Variants in PDE11A observed in about 807,000 individuals in gnomAD.
PDE11A encodes the protein phosphodiesterase 11A, also known as dual 3',5'-cyclic-AMP and -GMP phosphodiesterase 11A.
A neutral mutation model predicts 100.5 loss-of-function variants in PDE11A; 100 were observed. The ratio of observed to expected loss-of-function variants is 1.00; its 90% CI spans 0.85 to 1.18. PDE11A has a LOEUF of 1.18. Among genes scored for constraint, PDE11A ranks in the 50% most tolerant of loss-of-function variants. The pLI is 0.00. For synonymous variants in PDE11A, 381 were observed against 420.8 expected, an observed-to-expected ratio of 0.91 and a Z score of 1.16; for missense variants, 1,141 against 1,152.6, an observed-to-expected ratio of 0.99 and a Z score of 0.15.
At chr2:178,020,340 T>C (rs1013451251) in intron 1 of PDE11A, among the ~76,000 whole-genome samples, 1 of 152,206 alleles carries the variant, frequency 6.6e-6, no homozygotes, top group Admixed American at 6.5e-5. Flanking sequence ...CCACCAAGGC[T>C]ATGGAGTAGG....
At chr2:177,777,919 A>G (rs1441740420) in intron 9 of PDE11A, among the ~76,000 whole-genome samples, 1 of 152,228 alleles carries the variant, frequency 6.6e-6, no homozygotes, top group African/African-American at 2.4e-5. Context: ...TAATTGAGCA[A>G]ATATTTTTGA....
At chr2:177,980,118 C>T (rs1006154059) in intron 2 of PDE11A, among the ~76,000 whole-genome samples, 2 of 150,208 alleles carry the variant, frequency 1.3e-5, no homozygotes, top group Non-Finnish European at 3.0e-5. Flanking sequence ...TTCAAACCTA[C>T]TGCTTTAAGG....
chr2:177,814,144 A>G (rs893653232), intron 9 of PDE11A, among the ~76,000 whole-genome samples: 4 of 152,080 alleles, frequency 2.6e-5, no homozygotes, highest in African/African-American at 9.7e-5. Flanking sequence ...TTGTTACATA[A>G]TATATATTCT....
At chr2:177,726,474 G>C (rs1218543834) in intron 12 of PDE11A, among the ~76,000 whole-genome samples, 1 of 152,044 alleles carries the variant, frequency 6.6e-6, no homozygotes, top group Non-Finnish European at 1.5e-5. Context: ...TTACTCTATA[G>C]GAGGATGACA....
At chr2:177,827,800 T>C (rs2083249061) in intron 6 of PDE11A, among the ~76,000 whole-genome samples, 1 of 152,158 alleles carries the variant, frequency 6.6e-6, no homozygotes, top group African/African-American at 2.4e-5. Flanking sequence ...TATTTGTAAA[T>C]AGAGTATGCA....
intron 10 of PDE11A, among the ~76,000 whole-genome samples, chr2:177,765,592 T>C (rs1363984009): frequency 6.6e-6 from 1 of 152,234 alleles, no homozygotes; most frequent in Non-Finnish European, 1.5e-5. Context: ...GCTTCCTTCA[T>C]TAGGCTGCTG....
At chr2:177,642,237 T>G (rs1377670717) in intron 19 of PDE11A, among the ~76,000 whole-genome samples, 1 of 152,214 alleles carries the variant, frequency 6.6e-6, no homozygotes, top group African/African-American at 2.4e-5. Context: ...GACATGTTCA[T>G]ATGACATAGG....
intron 10 of PDE11A, among the ~76,000 whole-genome samples, chr2:177,730,907 A>G (rs2081678239): frequency 6.6e-6 from 1 of 152,108 alleles, no homozygotes; most frequent in Non-Finnish European, 1.5e-5. Flanking sequence ...TTCATCTTGC[A>G]TGGCTGAAAC....
intron 1 of PDE11A, among the ~76,000 whole-genome samples, chr2:178,053,775 G>T (rs1574370861): frequency 6.6e-6 from 1 of 152,088 alleles, no homozygotes; most frequent in South Asian, 2.1e-4. Flanking sequence ...GCTATAAAGA[G>T]AATAAAATAC....
At chr2:178,104,894 G>T (rs1046541430) in intron 1 of PDE11A, among the ~76,000 whole-genome samples, 1 of 152,038 alleles carries the variant, frequency 6.6e-6, no homozygotes, top group African/African-American at 2.4e-5. Context: ...AATAAGAATA[G>T]AACAAATAGG....
chr2:178,061,156 G>C (rs889302756), intron 1 of PDE11A, among the ~76,000 whole-genome samples: 2 of 152,008 alleles, frequency 1.3e-5, no homozygotes, highest in African/African-American at 4.8e-5. Context: ...TATTGGCCAG[G>C]CTGGAGAAGT....
chr2:177,747,711 C>A (rs989689689), intron 10 of PDE11A, among the ~76,000 whole-genome samples: 1 of 152,166 alleles, frequency 6.6e-6, no homozygotes, highest in Non-Finnish European at 1.5e-5. Flanking sequence ...AACATATGGC[C>A]TGCCTTTTAT....
intron 19 of PDE11A, among the ~76,000 whole-genome samples, chr2:177,632,602 T>C (rs1171656347): frequency 2.0e-5 from 3 of 152,214 alleles, no homozygotes; most frequent in Non-Finnish European, 2.9e-5. Flanking sequence ...TTCAGACTCC[T>C]GCCAGTGATT....
intron 2 of PDE11A, among the ~76,000 whole-genome samples, chr2:177,965,400 A>G (rs113807023): frequency 7.9e-5 from 12 of 152,160 alleles, no homozygotes; most frequent in African/African-American, 2.9e-4. Flanking sequence ...TTCCGTTGCA[A>G]TTGCTTTTGG....
chr2:177,857,415 T>A (rs763634238), intron 5 of PDE11A, among the ~76,000 whole-genome samples: 1 of 152,040 alleles, frequency 6.6e-6, no homozygotes, highest in Non-Finnish European at 1.5e-5. Context: ...TATAAATGTA[T>A]GTTTGTAACT....
intron 2 of PDE11A, among the ~76,000 whole-genome samples, chr2:177,940,742 T>C (rs1044923808): frequency 6.6e-6 from 1 of 152,200 alleles, no homozygotes; most frequent in Non-Finnish European, 1.5e-5. Flanking sequence ...AATCACTAAA[T>C]TAAACAAAAT....
chr2:177,918,843 G>T (rs2084992431), intron 2 of PDE11A, among the ~76,000 whole-genome samples: 1 of 152,082 alleles, frequency 6.6e-6, no homozygotes, highest in African/African-American at 2.4e-5. Context: ...ACTTGTAAAA[G>T]ACTCATTCTC....
At position 177,936,315 on chromosome 2, in the gene PDE11A, T is replaced by C. The variant is rs564238985; in HGVS notation, c.1072-31128A>G. ...CTGTATTTTGGTATTTGTGTGACAATGTCAGAATTGCAGCCCATCATTTCA... is the reference window on the plus strand; with the variant it reads ...CTGTATTTTGGTATTTGTGTGACAACGTCAGAATTGCAGCCCATCATTTCA... On this transcript the variant is annotated intron_variant, in intron 2 of 19. Coordinates refer to ENST00000286063, the MANE Select transcript of PDE11A (RefSeq NM_016953.4). Among the ~76,000 whole-genome samples the C allele has an allele frequency of 2.0e-5, 3 of 152,350 alleles. No homozygotes were observed. In the East Asian group the frequency reaches 5.8e-4, roughly 29 times the overall value.
chr2:177,871,516 T>C (rs535737132), intron 5 of PDE11A, among the ~76,000 whole-genome samples: 4 of 147,074 alleles, frequency 2.7e-5, no homozygotes, highest in Non-Finnish European at 3.0e-5. Flanking sequence ...AAATGATGAG[T>C]CAGTAGTAAA....
Sources: gnomAD v4.1 joint callset for allele counts (sites outside exome capture counted in the v4.1 genomes callset) on GRCh38, gnomAD v4.1.1 for gene constraint, MANE v1.5 for transcripts, NCBI Gene and HGNC (gene_info 2026-07-23, HGNC 2026-07-21) for gene names.